The following ABL1 variants were observed in gnomAD, a reference collection of about 807,000 sequenced individuals.
The protein encoded by ABL1 is tyrosine-protein kinase ABL1.
In ABL1, 11 loss-of-function variants were observed where a neutral mutation model predicts 94.7. The observed-to-expected ratio is 0.12, with a 90% CI of 0.07 to 0.19. The LOEUF (loss-of-function observed/expected upper bound fraction) is 0.19. Ranked by LOEUF, ABL1 falls within the 10% of genes least tolerant of loss-of-function variation. ABL1 has a pLI of 1.00. For missense variants in ABL1, 1,082 were observed against 1,489.4 expected, an observed-to-expected ratio of 0.73 and a Z score of 4.50; for synonymous variants, 656 against 622.4, an observed-to-expected ratio of 1.05 and a Z score of -0.80.
chr9:130,830,423 G>T (rs1268439279), upstream of ABL1, among the ~76,000 whole-genome samples: 1 of 152,174 alleles, frequency 6.6e-6, no homozygotes, highest in Non-Finnish European at 1.5e-5. Flanking sequence ...TTTGTGTTTT[G>T]CTGAAGCTGT....
At chr9:130,757,368 C>G (rs1413510442) in intron 1 of ABL1, among the ~76,000 whole-genome samples, 1 of 151,978 alleles carries the variant, frequency 6.6e-6, no homozygotes, top group Non-Finnish European at 1.5e-5. Flanking sequence ...CAAGACCAGC[C>G]TGAGCAACAC....
chr9:130,887,480 A>T lies in ABL1; in HGVS notation c.*1797A>T. 1 of 233,042 alleles carries T rather than the reference A, an allele frequency of 4.3e-6. No homozygotes were observed. Among genetic ancestry groups the T allele is most frequent in the Non-Finnish European group, 8.5e-6 (1 of 117,914 alleles). 14.4% of individuals were successfully genotyped at this position (233,042 alleles called of 1,614,324 possible). A position where few individuals can be genotyped will look rare whatever the true frequency, so the allele number is the denominator to read the frequency against. On this transcript the variant is annotated 3_prime_UTR_variant, in exon 11 of 11. Transcript: ENST00000318560. ...ATTTTACACGTATCTCTTGGTATGC[A>T]TCTTTTATAGACGCTCTTTTCTAAG...
intron 1 of ABL1, among the ~76,000 whole-genome samples, chr9:130,801,783 T>C (rs1050639204): frequency 1.3e-5 from 2 of 152,192 alleles, no homozygotes; most frequent in Admixed American, 1.3e-4. Context: ...GTCCTTGTTC[T>C]CATCTGTTTA....
intron 10 of ABL1, 88 bp from the exon 11 acceptor site, chr9:130,883,881 T>C (rs1831510403): frequency 6.8e-7 from 1 of 1,466,664 alleles, no homozygotes; most frequent in Non-Finnish European, 9.1e-7. Context: ...AGTGCAGCAG[T>C]GGCACTCTGC....
At chr9:130,836,090 C>T (rs180881345) in intron 1 of ABL1, among the ~76,000 whole-genome samples, 1 of 152,252 alleles carries the variant, frequency 6.6e-6, no homozygotes, top group Non-Finnish European at 1.5e-5. Context: ...TTCAAGTGAT[C>T]TTTCCATCTC....
intron 10 of ABL1, among the ~76,000 whole-genome samples, chr9:130,881,100 C>T (rs960391262): frequency 4.6e-5 from 7 of 152,242 alleles, no homozygotes; most frequent in African/African-American, 9.6e-5. Flanking sequence ...GGACAGAACC[C>T]GTGTCCTGGT....
intron 1 of ABL1, chr9:130,714,470 A>C: frequency 6.2e-7 from 1 of 1,614,184 alleles, no homozygotes; most frequent in Non-Finnish European, 8.5e-7. Flanking sequence ...GTGCTTTTCA[A>C]AATTTCTGCT....
rs34731077 is a variant in ABL1, at chr9:130,878,800, G to A, written c.1423+233G>A. On this transcript the variant is annotated intron_variant, in intron 8 of 10. Transcript: ENST00000318560. ...TGGTATTGATAGATACCAAACCTGG[G>A]TGTATTCCTAAATACAGATTCCTGG... Among the ~76,000 whole-genome samples the A allele has an allele frequency of 1.1e-4, 16 of 151,974 alleles. No homozygotes were observed. In the East Asian group the frequency reaches 3.1e-3, roughly 29 times the overall value.
At chr9:130,827,903 A>T (rs1400340972) in intron 1 of ABL1, among the ~76,000 whole-genome samples, 1 of 138,682 alleles carries the variant, frequency 7.2e-6, no homozygotes, top group Non-Finnish European at 1.5e-5. Flanking sequence ...CAAAAATAAT[A>T]AATAAATAAA....
At chr9:130,740,926 G>A (rs1252494698) in intron 1 of ABL1, among the ~76,000 whole-genome samples, 1 of 148,286 alleles carries the variant, frequency 6.7e-6, no homozygotes, top group African/African-American at 2.5e-5. Context: ...TGGAATTACA[G>A]GTGTGAGTCA....
chr9:130,813,300 G>A (rs569284092), intron 1 of ABL1, among the ~76,000 whole-genome samples: 34 of 152,010 alleles, frequency 2.2e-4, no homozygotes, highest in Admixed American at 1.7e-3. Context: ...GGTGGCTCAC[G>A]CCTGTAATCC....
At chr9:130,807,944 C>T (rs932761309) in intron 1 of ABL1, among the ~76,000 whole-genome samples, 2 of 151,194 alleles carry the variant, frequency 1.3e-5, no homozygotes, top group African/African-American at 4.8e-5. Flanking sequence ...GTGATCCCCC[C>T]CACCTCAGCT....
intron 1 of ABL1, among the ~76,000 whole-genome samples, chr9:130,726,511 A>G (rs970680476): frequency 5.3e-5 from 8 of 152,276 alleles, no homozygotes; most frequent in Middle Eastern, 6.8e-3. Context: ...TCTCTCTCAC[A>G]CACACCTTTT....
chr9:130,730,046 C>CTTTTTTTTTTTTTTTTTTTT lies in ABL1; in HGVS notation c.136+15605_136+15606insTTTTTTTTTTTTTTTTTTTT, dbSNP rs138446676. Among the ~76,000 whole-genome samples, 58 of 107,156 alleles carry CTTTTTTTTTTTTTTTTTTTT rather than the reference C, an allele frequency of 5.4e-4. 3 individuals carry two copies. The highest frequency in any genetic ancestry group is 7.7e-4 in the Non-Finnish European group (41 of 53,458). The allele number at this position is 107,156 out of a possible 152,430, so 70.3% of individuals were successfully genotyped here. On this transcript the variant is annotated intron_variant, in intron 1 of 10. Transcript: ENST00000372348. ...GCGTGAGCCACTGCGCCCAGCCAGA[C>CTTTTTTTTTTTTTTTTTTTT]TTTTTTTTTTTTTTGAGATGGAATT...
chr9:130,807,239 T>C (rs1053760472), intron 1 of ABL1, among the ~76,000 whole-genome samples: 1 of 152,198 alleles, frequency 6.6e-6, no homozygotes, highest in African/African-American at 2.4e-5. Context: ...AACTTTCCTG[T>C]GTACTCCGTA....
At position 130,855,122 on chromosome 9, in the gene ABL1, T is replaced by C. The variant is rs555918283; in HGVS notation, c.549+26T>C. 15 of 1,603,052 alleles carry C rather than the reference T, an allele frequency of 9.4e-6. No homozygotes were observed. The South Asian group carries it at 1.3e-4, about 14-fold the overall frequency. ...GTAGGGGACCCTTGGCAGGGGGCGC[T>C]GATGGGCCCAGGGCAGGGGAACCAG... On this transcript the variant is annotated intron_variant, in intron 3 of 10. Coordinates refer to ENST00000318560, the MANE Select transcript of ABL1 (RefSeq NM_005157.6).
intron 1 of ABL1, among the ~76,000 whole-genome samples, chr9:130,771,434 T>C (rs1469571583): frequency 6.6e-6 from 1 of 152,200 alleles, no homozygotes; most frequent in Non-Finnish European, 1.5e-5. Flanking sequence ...TGATAACTTA[T>C]ACAGATGCCA....
intron 1 of ABL1, among the ~76,000 whole-genome samples, chr9:130,801,303 C>T (rs1830051721): frequency 6.6e-6 from 1 of 152,138 alleles, no homozygotes; most frequent in South Asian, 2.1e-4. Context: ...ACTTGGCTCA[C>T]TGCAACCTCC....
Position 130,880,009 on chromosome 9 carries a change from T to C in ABL1, c.1424-59T>C. ...TTCTAGACTTTTCCTTGAGAACTGC[T>C]AGCCCCGTATTGCTAGCCAGATCTC... is the stretch of plus-strand genomic sequence containing the variant. On this transcript the variant is annotated intron_variant, in intron 8 of 10. Coordinates refer to ENST00000318560, the MANE Select transcript of ABL1 (RefSeq NM_005157.6). This position sits in a 1 kb window ranked among gnomAD's most constrained non-coding sequence, Gnocchi z 4.4. 1 of 1,487,786 alleles carries C rather than the reference T, an allele frequency of 6.7e-7. No individual in the cohort carries two copies. Among genetic ancestry groups the C allele is most frequent in the South Asian group, 1.1e-5 (1 of 88,590 alleles). The allele number at this position is 1,487,786 out of a possible 1,614,324, so 92.2% of individuals were successfully genotyped here.
Sources: allele counts gnomAD v4.1 joint callset (sites outside exome capture counted in the v4.1 genomes callset), GRCh38; gene constraint gnomAD v4.1.1; non-coding constraint Gnocchi (gnomAD v3.1); transcripts MANE v1.5; gene names NCBI Gene and HGNC (gene_info 2026-07-23, HGNC 2026-07-21).